ZC3H12B: variants seen among roughly 807,000 people sequenced by gnomAD.
ZC3H12B encodes the protein zinc finger CCCH-type containing 12B.
Under a neutral mutation model 43.9 loss-of-function variants are expected in ZC3H12B, and 7 were observed. That is an observed-to-expected ratio of 0.16 (90% CI 0.09 to 0.30). The LOEUF is 0.30. ZC3H12B is among the 10% of genes least tolerant of loss of function. ZC3H12B has a pLI of 1.00. For synonymous variants in ZC3H12B, 222 were observed against 241.7 expected (o/e 0.92, Z 0.76); for missense variants, 475 against 670.2 (o/e 0.71, Z 3.22).
the ZC3H12B span, among the ~76,000 whole-genome samples, chrX:65,153,739 CA>C: frequency 9.0e-6 from 1 of 111,612 alleles, no homozygotes; most frequent in Non-Finnish European, 1.9e-5. Context: ...GGTATATACC[CA>C]AAGGACTATA....
the ZC3H12B span, among the ~76,000 whole-genome samples, chrX:65,216,325 C>T: frequency 9.0e-6 from 1 of 110,823 alleles, no homozygotes; most frequent in South Asian, 3.8e-4. Flanking sequence ...GGAGAGAGAG[C>T]GTAGTGAGTG....
chrX:65,194,092 A>G, the ZC3H12B span, among the ~76,000 whole-genome samples: 1 of 109,994 alleles, frequency 9.1e-6, no homozygotes, highest in Non-Finnish European at 1.9e-5. Context: ...CCATGATCCT[A>G]TCAACTCCCA....
chrX:65,346,533 C>A, the ZC3H12B span, among the ~76,000 whole-genome samples: 44 of 111,882 alleles, frequency 3.9e-4, no homozygotes, highest in Middle Eastern at 4.6e-3. Flanking sequence ...TAGAAAAAAA[C>A]CCCAAAATTA....
At chrX:65,251,233 A>C in the ZC3H12B span, among the ~76,000 whole-genome samples, 1 of 111,720 alleles carries the variant, frequency 9.0e-6, no homozygotes, top group Non-Finnish European at 1.9e-5. Flanking sequence ...GGTTTGTCAA[A>C]GATCAGATGG....
intron 3 of ZC3H12B, among the ~76,000 whole-genome samples, chrX:65,432,600 A>G (rs1215171519): frequency 8.9e-6 from 1 of 112,050 alleles, no homozygotes; most frequent in African/African-American, 3.2e-5. Flanking sequence ...GGGCCACCCC[A>G]TAAATGAACC....
intron 3 of ZC3H12B, among the ~76,000 whole-genome samples, chrX:65,468,708 G>A (rs754744813): frequency 9.4e-5 from 9 of 96,121 alleles, no homozygotes; most frequent in South Asian, 5.1e-4. Context: ...CTGTGGTCTC[G>A]ATCTCCTGAC....
the ZC3H12B span, among the ~76,000 whole-genome samples, chrX:65,120,000 G>T: frequency 8.1e-5 from 9 of 111,499 alleles, no homozygotes; most frequent in South Asian, 2.6e-3. Flanking sequence ...AGTTCCATTG[G>T]TCTATATGTC....
the ZC3H12B span, among the ~76,000 whole-genome samples, chrX:65,120,508 G>T: frequency 8.9e-6 from 1 of 111,803 alleles, no homozygotes; most frequent in African/African-American, 3.3e-5. Flanking sequence ...TGTATCCTGA[G>T]ACTTTGCTGA....
the ZC3H12B span, among the ~76,000 whole-genome samples, chrX:65,233,521 A>C: frequency 9.5e-6 from 1 of 105,343 alleles, no homozygotes; most frequent in East Asian, 2.8e-4. Flanking sequence ...GAAGAAATTA[A>C]GAAGAAAATT....
chrX:65,329,642 G>C, the ZC3H12B span, among the ~76,000 whole-genome samples: 1 of 110,430 alleles, frequency 9.1e-6, no homozygotes, highest in Non-Finnish European at 1.9e-5. Context: ...TGTCCTGAAT[G>C]GTATTGCCTA....
chrX:65,222,389 C>A, the ZC3H12B span, among the ~76,000 whole-genome samples: 19 of 110,502 alleles, frequency 1.7e-4, no homozygotes, highest in African/African-American at 5.9e-4. Context: ...GCATCCAAAT[C>A]AGTAAATAGG....
At chrX:65,105,225 G>A in the ZC3H12B span, among the ~76,000 whole-genome samples, 2 of 109,668 alleles carry the variant, frequency 1.8e-5, no homozygotes, top group Non-Finnish European at 3.8e-5. Context: ...GACACCGCAA[G>A]GGGAACATCA....
the ZC3H12B span, among the ~76,000 whole-genome samples, chrX:65,196,174 G>C: frequency 1.9e-5 from 2 of 102,701 alleles, no homozygotes; most frequent in Non-Finnish European, 4.0e-5. Context: ...GCCTCAGCTG[G>C]TGCCCCATGT....
At chrX:65,330,455 G>A in the ZC3H12B span, among the ~76,000 whole-genome samples, 1 of 111,252 alleles carries the variant, frequency 9.0e-6, no homozygotes, top group African/African-American at 3.3e-5. Context: ...AATAGGAGTG[G>A]TGAGAGAGTG....
the ZC3H12B span, among the ~76,000 whole-genome samples, chrX:65,120,234 G>C: frequency 9.0e-6 from 1 of 111,709 alleles, no homozygotes; most frequent in East Asian, 2.8e-4. Flanking sequence ...AAATTACCTT[G>C]GGCAGTATGG....
At chrX:65,214,798 C>T in the ZC3H12B span, among the ~76,000 whole-genome samples, 1 of 111,651 alleles carries the variant, frequency 9.0e-6, no homozygotes, top group Non-Finnish European at 1.9e-5. Context: ...TATCAAGGTG[C>T]ATCAGAGGAA....
At chrX:65,447,065 C>A (rs1412777912) in intron 3 of ZC3H12B, among the ~76,000 whole-genome samples, 1 of 111,712 alleles carries the variant, frequency 9.0e-6, no homozygotes, top group Non-Finnish European at 1.9e-5. Context: ...AGAACCAATT[C>A]TTCAGATTTG....
At chrX:65,220,010 A>T in the ZC3H12B span, among the ~76,000 whole-genome samples, 1 of 111,702 alleles carries the variant, frequency 9.0e-6, no homozygotes, top group East Asian at 2.8e-4. Flanking sequence ...CAGATTTCTC[A>T]GCAGAAACCC....
the ZC3H12B span, among the ~76,000 whole-genome samples, chrX:65,349,973 T>C: frequency 1.8e-5 from 2 of 111,442 alleles, no homozygotes; most frequent in Non-Finnish European, 3.8e-5. Flanking sequence ...TTCCAAACAA[T>C]AGAAAAAGAG....
Sources: gnomAD v4.1 joint callset for allele counts (sites outside exome capture counted in the v4.1 genomes callset) on GRCh38, gnomAD v4.1.1 for gene constraint, MANE v1.5 for transcripts, NCBI Gene and HGNC (gene_info 2026-07-23, HGNC 2026-07-21) for gene names.